The following EXT2 variants were observed in gnomAD, a reference collection of about 807,000 sequenced individuals.
The protein encoded by EXT2 is exostosin-2.
In EXT2, 53 loss-of-function variants were observed where a neutral mutation model predicts 81.6. The ratio of observed to expected loss-of-function variants is 0.65; its 90% CI spans 0.52 to 0.82. The LOEUF is 0.82. Among genes scored for constraint, EXT2 ranks in the 40% least tolerant of loss-of-function variants. The pLI, the probability that EXT2 is intolerant of heterozygous loss-of-function variation, is 0.00. For synonymous variants in EXT2, 320 were observed against 340.0 expected, an observed-to-expected ratio of 0.94 and a Z score of 0.65; for missense variants, 774 against 910.2, an observed-to-expected ratio of 0.85 and a Z score of 1.93.
intron 10 of EXT2, among the ~76,000 whole-genome samples, chr11:44,212,593 A>G (rs1191144141): frequency 6.6e-6 from 1 of 152,158 alleles, no homozygotes. Context: ...GGCATATAGA[A>G]CATTTTTTAT....
intron 8 of EXT2, among the ~76,000 whole-genome samples, chr11:44,188,819 A>G (rs1222030924): frequency 1.3e-5 from 2 of 152,330 alleles, no homozygotes; most frequent in East Asian, 3.9e-4. Context: ...AGAAGGTCCA[A>G]CATACGTCTA....
At chr11:44,148,217 G>A (rs901188130) in intron 7 of EXT2, among the ~76,000 whole-genome samples, 1 of 152,168 alleles carries the variant, frequency 6.6e-6, no homozygotes, top group African/African-American at 2.4e-5. Context: ...ATGTTACCTA[G>A]ACAACTACTC....
rs746889702 is a variant in EXT2, at chr11:44,107,977, A to G, written c.265A>G (p.Thr89Ala). The change falls in exon 2 of 14, where the codon ACG becomes GCG. Residue 89 changes from threonine to alanine, a missense_variant. This residue lies in a region of EXT2 where 626 missense variants were observed against 670.5 expected (regional missense o/e 0.93). Transcript: ENST00000533608. Reference sequence around the variant, plus strand: ...GGGGGATCTCAGTTGCAGAATGCACACGTGTTTTGATGTCTATCGCTGTGG... The same window carrying G: ...GGGGGATCTCAGTTGCAGAATGCACGCGTGTTTTGATGTCTATCGCTGTGG... Reference protein sequence around the residue: ...ERGDLSCRMHTCFDVYRCGFN... With the variant: ...ERGDLSCRMHACFDVYRCGFN... 6.2e-6 allele frequency: 10 copies of G among 1,614,120 alleles called. No individual in the cohort carries two copies. In the East Asian group the frequency reaches 1.3e-4, roughly 22 times the overall value.
At chr11:44,242,130 C>G (rs549579685) in intron 13 of EXT2, among the ~76,000 whole-genome samples, 1 of 152,238 alleles carries the variant, frequency 6.6e-6, no homozygotes, top group Non-Finnish European at 1.5e-5. Flanking sequence ...TGCCAAGAAC[C>G]AGGATTCTTC....
intron 7 of EXT2, among the ~76,000 whole-genome samples, chr11:44,160,986 A>T (rs1196255470): frequency 6.6e-6 from 1 of 151,768 alleles, no homozygotes; most frequent in Non-Finnish European, 1.5e-5. Context: ...ATCTTCTTGG[A>T]TTTGTTTCAT....
intron 3 of EXT2, among the ~76,000 whole-genome samples, chr11:44,110,002 G>T (rs1354750955): frequency 1.3e-5 from 2 of 152,184 alleles, no homozygotes; most frequent in Non-Finnish European, 2.9e-5. Flanking sequence ...TTTGAGGAAA[G>T]TAGAAAGTTG....
intron 8 of EXT2, among the ~76,000 whole-genome samples, chr11:44,178,266 G>T (rs1458003322): frequency 1.3e-5 from 2 of 152,146 alleles, no homozygotes; most frequent in Admixed American, 6.5e-5. Context: ...CCTAGAATTC[G>T]CATTTCTAGC....
intron 7 of EXT2, among the ~76,000 whole-genome samples, chr11:44,138,431 C>T (rs1954600777): frequency 6.6e-6 from 1 of 152,074 alleles, no homozygotes; most frequent in South Asian, 2.1e-4. Flanking sequence ...ACCTAGGTCT[C>T]CTGACTCCCA....
At chr11:44,112,614 T>A (rs1178350041) in intron 3 of EXT2, among the ~76,000 whole-genome samples, 12 of 152,212 alleles carry the variant, frequency 7.9e-5, no homozygotes, top group Admixed American at 5.9e-4. Context: ...AGGGCTGGCA[T>A]GAGGCCAGTT....
intron 4 of EXT2, among the ~76,000 whole-genome samples, chr11:44,122,204 G>A (rs1467801377): frequency 1.3e-5 from 2 of 152,104 alleles, no homozygotes; most frequent in African/African-American, 4.8e-5. Context: ...AGACCATTTA[G>A]CTCTTAACTT....
In EXT2 at chr11:44,236,310, A is replaced by G; in HGVS notation, c.1953A>G (p.Lys651=). Residue 651 remains lysine (K), a synonymous_variant, in exon 13 of 14, where the codon AAA becomes AAG. Transcript: ENST00000533608. ...KAVIKVTPRK[K]FKCPECTAID... ...TCTGGCAGGTAACCCCACGAAAGAAATTCAAGTGTCCTGAGTGCACAGCCA... is the reference window on the plus strand; with the variant it reads ...TCTGGCAGGTAACCCCACGAAAGAAGTTCAAGTGTCCTGAGTGCACAGCCA... 1.2e-6 allele frequency: 2 copies of G among 1,614,142 alleles called. No individual in the cohort carries two copies. The highest frequency in any genetic ancestry group is 1.7e-6 in the Non-Finnish European group (2 of 1,180,014).
intron 3 of EXT2, among the ~76,000 whole-genome samples, chr11:44,111,081 A>G (rs1954135808): frequency 6.6e-6 from 1 of 152,226 alleles, no homozygotes; most frequent in African/African-American, 2.4e-5. Flanking sequence ...TAGAAAACAG[A>G]TGGGCTAGAT....
At chr11:44,099,516 CTCGCTATG>C (rs1264533587) in intron 1 of EXT2, among the ~76,000 whole-genome samples, 2 of 151,822 alleles carry the variant, frequency 1.3e-5, no homozygotes, top group Non-Finnish European at 2.9e-5. Flanking sequence ...GAGACAGGGT[CTCGCTATG>C]TTGCCCAGGC....
intron 13 of EXT2, 31 bp from the exon 14 acceptor site, chr11:44,244,118 C>CT: frequency 1.9e-6 from 3 of 1,612,266 alleles, no homozygotes; most frequent in Middle Eastern, 1.7e-4. Flanking sequence ...GCTCAAACCC[C>CT]TCCTCCCCAC....
intron 10 of EXT2, among the ~76,000 whole-genome samples, chr11:44,223,012 G>A (rs1955798798): frequency 6.6e-6 from 1 of 152,198 alleles, no homozygotes; most frequent in Admixed American, 6.5e-5. Context: ...GGATATACAG[G>A]TGGCAAATAA....
At position 44,219,624 on chromosome 11, in the gene EXT2, A is replaced by G. The variant is rs191568958; in HGVS notation, c.1662+12665A>G. Among the ~76,000 whole-genome samples the G allele has an allele frequency of 1.0e-3, 155 of 152,350 alleles. 1 individual carries two copies. Among genetic ancestry groups the G allele is most frequent in the African/African-American group, 3.7e-3 (153 of 41,574 alleles). The stretch of plus-strand genomic sequence containing the variant: ...CTAGATTTACATTCCAGAATCTTAA[A>G]TATGAAAATGTGCCTCAGTCTGTTG... On this transcript the variant is annotated intron_variant, in intron 10 of 13. Coordinates refer to ENST00000533608, the MANE Select transcript of EXT2 (RefSeq NM_207122.2).
At chr11:44,097,340 A>G (rs755816814) in intron 1 of EXT2, among the ~76,000 whole-genome samples, 6 of 152,228 alleles carry the variant, frequency 3.9e-5, no homozygotes, top group Non-Finnish European at 8.8e-5. Context: ...TAGCCATAAC[A>G]TAACTTTAAT....
intron 1 of EXT2, among the ~76,000 whole-genome samples, chr11:44,103,487 A>G: frequency 6.6e-6 from 1 of 152,264 alleles, no homozygotes. Flanking sequence ...AGCATACTTC[A>G]AGAACCAGTG....
At chr11:44,215,948 C>T (rs1003670466) in intron 10 of EXT2, among the ~76,000 whole-genome samples, 16 of 150,256 alleles carry the variant, frequency 1.1e-4, no homozygotes, top group Admixed American at 8.0e-4. Context: ...GCAATCTCGG[C>T]TCACTGCAAG....
Sources: gnomAD v4.1 joint callset for allele counts (sites outside exome capture counted in the v4.1 genomes callset) on GRCh38, gnomAD v4.1.1 for gene constraint, gnomAD v4.1.1 regional missense constraint, MANE v1.5 for transcripts, NCBI Gene and HGNC (gene_info 2026-07-23, HGNC 2026-07-21) for gene names.